Variants in SUPT20H observed in about 807,000 individuals in gnomAD.
SUPT20H encodes transcription factor SPT20 homolog.
SUPT20H carries 82 observed loss-of-function variants against 122.8 expected under a neutral mutation model. The observed-to-expected ratio is 0.67, with a 90% CI of 0.56 to 0.80. The LOEUF is 0.80. SUPT20H is among the 30% of genes least tolerant of loss of function. The pLI, the probability that SUPT20H is intolerant of heterozygous loss-of-function variation, is 0.00. For missense variants in SUPT20H, 831 were observed against 921.6 expected (o/e 0.90, Z 1.27); for synonymous variants, 291 against 313.0 (o/e 0.93, Z 0.74).
intron 25 of SUPT20H, 88 bp from the exon 26 acceptor site, chr13:37,009,897 T>A: frequency 6.6e-7 from 1 of 1,512,562 alleles, no homozygotes; most frequent in Non-Finnish European, 8.8e-7. Context: ...ACAACACAAC[T>A]GAAAAAGGGA....
At chr13:37,023,424 G>A (rs1322497065) in intron 19 of SUPT20H, 1 of 152,980 alleles carries the variant, frequency 6.5e-6, no homozygotes, top group African/African-American at 2.4e-5. Flanking sequence ...TAGCATTCTT[G>A]TATAACTCTT....
intron 9 of SUPT20H, among the ~76,000 whole-genome samples, chr13:37,036,107 C>T (rs1321869752): frequency 2.0e-5 from 3 of 152,156 alleles, no homozygotes; most frequent in Non-Finnish European, 4.4e-5. Context: ...CCTGATCTGT[C>T]AGCAGTCATT....
rs1430046366 is a variant in SUPT20H, at chr13:37,056,480, C to A, written c.-94+3079G>T. On this transcript the variant is annotated intron_variant, in intron 1 of 25. Transcript: ENST00000350612. Reference sequence around the variant, plus strand: ...GTCCTTTGCAGTGACATGGATGAAGCTGGAAACCATCATTCTCAGCAAACT... The same window carrying A: ...GTCCTTTGCAGTGACATGGATGAAGATGGAAACCATCATTCTCAGCAAACT... 3.3e-5 allele frequency among the ~76,000 whole-genome samples: 5 copies of A among 152,102 alleles called. No homozygotes were observed. In the South Asian group the frequency reaches 8.3e-4, roughly 25 times the overall value.
Position 37,013,006 on chromosome 13 carries a change from G to A in SUPT20H, c.1993-709C>T, listed in dbSNP as rs913565897. On this transcript the variant is annotated intron_variant, in intron 23 of 25. Transcript: ENST00000350612. ...AGGACATATACTATGTTCATGTACT[G>A]GAAGACTCACATCATAAAGATGGCA... 3.3e-5 allele frequency: 5 copies of A among 152,140 alleles called. No individual in the cohort carries two copies. The East Asian group carries it at 7.7e-4, about 23-fold the overall frequency. The allele number at this position is 152,140 out of a possible 1,614,324, so 9.4% of individuals were successfully genotyped here. A position where few individuals can be genotyped will look rare whatever the true frequency, so the allele number is the denominator to read the frequency against.
intron 9 of SUPT20H, among the ~76,000 whole-genome samples, chr13:37,034,657 T>C (rs990506430): frequency 2.0e-5 from 3 of 152,228 alleles, no homozygotes; most frequent in Admixed American, 6.5e-5. Context: ...AGATAACTGA[T>C]GAAGGTGGTT....
chr13:37,009,657 A>T lies in SUPT20H; in HGVS notation c.*15T>A. ...TCTTGTGTTTTTAAAAAAGGAACAA[A>T]AAGTAATGCAAGACTCAAAATTTTG... On this transcript the variant is annotated 3_prime_UTR_variant, in exon 26 of 26. Coordinates refer to ENST00000350612, the MANE Select transcript of SUPT20H (RefSeq NM_001014286.3). The T allele has an allele frequency of 6.2e-7, 1 of 1,612,720 alleles. No individual in the cohort carries two copies. The highest frequency in any genetic ancestry group is 8.5e-7 in the Non-Finnish European group (1 of 1,179,650).
chr13:37,040,810 G>GTA lies in SUPT20H; in HGVS notation c.397-120_397-119dup. On this transcript the variant is annotated intron_variant, in intron 7 of 25. Transcript: ENST00000350612. ...GCAACATTTCTGGCCACTCATGTATGTACTCTTCAGTAGATTTCCTTGGTA... is the reference window on the plus strand; with the variant it reads ...GCAACATTTCTGGCCACTCATGTATGTATACTCTTCAGTAGATTTCCTTGGTA... 4.3e-6 allele frequency: 3 copies of GTA among 693,182 alleles called. No individual in the cohort carries two copies. The East Asian group carries it at 7.8e-5, about 18-fold the overall frequency. The allele number at this position is 693,182 out of a possible 1,614,324, so 42.9% of individuals were successfully genotyped here.
At chr13:37,056,174 A>C (rs1302867831) in intron 1 of SUPT20H, among the ~76,000 whole-genome samples, 1 of 152,244 alleles carries the variant, frequency 6.6e-6, no homozygotes, top group Non-Finnish European at 1.5e-5. Context: ...GTGGGACTGT[A>C]AACTAGCTCA....
intron 22 of SUPT20H, among the ~76,000 whole-genome samples, chr13:37,018,273 T>G (rs989459348): frequency 1.3e-5 from 2 of 152,164 alleles, no homozygotes; most frequent in Admixed American, 1.3e-4. Flanking sequence ...ACTAAAGGAT[T>G]TCCATTCCTG....
At chr13:37,040,200 A>AAAAT (rs2065227611) in intron 9 of SUPT20H, 1 of 449,638 alleles carries the variant, frequency 2.2e-6, no homozygotes, top group African/African-American at 2.0e-5. Flanking sequence ...GCTTGACCTT[A>AAAAT]AAATGATCTT....
chr13:37,032,595 G>T (rs956505904), intron 10 of SUPT20H, among the ~76,000 whole-genome samples: 1 of 152,118 alleles, frequency 6.6e-6, no homozygotes, highest in African/African-American at 2.4e-5. Flanking sequence ...TATAACTGAT[G>T]AATTGCTGGA....
intron 2 of SUPT20H, among the ~76,000 whole-genome samples, chr13:37,049,631 C>T (rs2067229797): frequency 6.6e-6 from 1 of 152,010 alleles, no homozygotes; most frequent in African/African-American, 2.4e-5. Context: ...CCCAGCTACT[C>T]AGGAGGCTGA....
chr13:37,042,221 G>A (rs1363820277), intron 7 of SUPT20H, among the ~76,000 whole-genome samples: 2 of 152,198 alleles, frequency 1.3e-5, no homozygotes, highest in African/African-American at 4.8e-5. Context: ...TCATCTGTTA[G>A]ACTGAAGAGA....
chr13:37,055,763 A>C (rs2068817792), intron 1 of SUPT20H, among the ~76,000 whole-genome samples: 1 of 152,254 alleles, frequency 6.6e-6, no homozygotes, highest in South Asian at 2.1e-4. Context: ...CAAAATTGAC[A>C]AATGGGATCT....
rs540425928 is a variant in SUPT20H at position 37,036,530 on chromosome 13, C to T, written c.568-2942G>A. Among the ~76,000 whole-genome samples, 5 of 152,136 alleles carry T rather than the reference C, an allele frequency of 3.3e-5. No individual in the cohort carries two copies. The South Asian group carries it at 6.2e-4, about 19-fold the overall frequency. On this transcript the variant is annotated intron_variant, in intron 9 of 25. Coordinates refer to ENST00000350612, the MANE Select transcript of SUPT20H (RefSeq NM_001014286.3). ...AGAGACGGGGTTTCACCATGTTGGC[C>T]GGGATGGTCTCGATCTCCTGCCCTC... is the stretch of plus-strand genomic sequence containing the variant.
chr13:37,048,558 C>T lies in SUPT20H; in HGVS notation c.39+6G>A. 1 of 1,591,802 alleles carries T rather than the reference C, an allele frequency of 6.3e-7. No individual in the cohort carries two copies. The highest frequency in any genetic ancestry group is 8.5e-7 in the Non-Finnish European group (1 of 1,170,570). ...TATTTCAATATGTAACTTAGTCACA[C>T]CTCACCTCTGCACGATCCAAAGCTA... On this transcript the variant is annotated splice_donor_region_variant and intron_variant, in intron 3 of 25. Coordinates refer to ENST00000350612, the MANE Select transcript of SUPT20H (RefSeq NM_001014286.3).
At chr13:37,047,686 T>G (rs1014319861) in intron 4 of SUPT20H, 85 bp from the exon 5 acceptor site, 92 of 1,267,344 alleles carry the variant, frequency 7.3e-5, no homozygotes, top group Non-Finnish European at 9.4e-5. Context: ...TTTCCTAAAT[T>G]TTCACATTTT....
chr13:37,028,377 G>T, intron 13 of SUPT20H, 72 bp from the exon 14 acceptor site: 1 of 1,377,836 alleles, frequency 7.3e-7, no homozygotes. Flanking sequence ...TAAAAATCAG[G>T]AATAAATGAT....
chr13:37,021,043 G>A (rs895470330), intron 21 of SUPT20H, among the ~76,000 whole-genome samples: 1 of 152,080 alleles, frequency 6.6e-6, no homozygotes, highest in Non-Finnish European at 1.5e-5. Flanking sequence ...ATGGTAAGCT[G>A]TACAACTGGG....
Sources: gnomAD v4.1 joint callset for allele counts (sites outside exome capture counted in the v4.1 genomes callset) on GRCh38, gnomAD v4.1.1 for gene constraint, MANE v1.5 for transcripts, NCBI Gene and HGNC (gene_info 2026-07-23, HGNC 2026-07-21) for gene names.